The following TOX3 variants were observed in gnomAD, a reference collection of about 807,000 sequenced individuals.
TOX3 encodes the protein TOX high mobility group box family member 3.
Under a neutral mutation model 64.3 loss-of-function variants are expected in TOX3, and 22 were observed. The observed-to-expected ratio is 0.34, with a 90% CI of 0.24 to 0.49. The LOEUF (loss-of-function observed/expected upper bound fraction) is 0.49, where lower values mean the gene tolerates loss of function less well. Ranked by LOEUF, TOX3 falls within the 20% of genes least tolerant of loss-of-function variation. The pLI is 0.99. For missense variants in TOX3, 661 were observed against 714.4 expected (o/e 0.93, Z 0.85); for synonymous variants, 291 against 273.6 (o/e 1.06, Z -0.63).
chr16:52,532,410 C>T (rs761136440), intron 1 of TOX3, among the ~76,000 whole-genome samples: 1 of 152,192 alleles, frequency 6.6e-6, no homozygotes, highest in African/African-American at 2.4e-5. Context: ...TGAACAAGCC[C>T]AGGCTGGCGT....
intron 1 of TOX3, among the ~76,000 whole-genome samples, chr16:52,537,333 C>T (rs1241663285): frequency 6.6e-6 from 1 of 152,144 alleles, no homozygotes; most frequent in African/African-American, 2.4e-5. Flanking sequence ...ATCTCATATC[C>T]ATAGAATATC....
chr16:52,516,785 G>A (rs1240364415), intron 1 of TOX3, among the ~76,000 whole-genome samples: 1 of 152,154 alleles, frequency 6.6e-6, no homozygotes, highest in Non-Finnish European at 1.5e-5. Flanking sequence ...GGGGTACAAG[G>A]AAACTTGTGG....
At position 52,436,824 on chromosome 16, in the gene TOX3, T is replaced by C. The variant is rs970368649; in HGVS notation, c.*2401A>G. ...AACAGACTTCACTTGCAATTAAGTC[T>C]TATCACTAGTGACATTTTTTTCCAA... On this transcript the variant is annotated 3_prime_UTR_variant, in exon 7 of 7. Transcript: ENST00000219746. The C allele has an allele frequency of 6.6e-6, 1 of 152,248 alleles. No individual in the cohort carries two copies. Among genetic ancestry groups the C allele is most frequent in the Non-Finnish European group, 1.5e-5 (1 of 68,044 alleles). 9.4% of individuals were successfully genotyped at this position (152,248 alleles called of 1,614,324 possible). A position where few individuals can be genotyped will look rare whatever the true frequency, so the allele number is the denominator to read the frequency against.
At chr16:52,498,376 A>G (rs1389565890) in intron 1 of TOX3, among the ~76,000 whole-genome samples, 2 of 152,240 alleles carry the variant, frequency 1.3e-5, no homozygotes, top group Non-Finnish European at 2.9e-5. Flanking sequence ...AAGTTGACCT[A>G]TCCATCTGGG....
intron 5 of TOX3, chr16:52,444,606 GA>G (rs773332155): frequency 2.8e-4 from 99 of 352,630 alleles, no homozygotes; most frequent in Middle Eastern, 1.5e-3. Flanking sequence ...TTGCAAATAA[GA>G]AAAAGATTTC....
chr16:52,452,832 G>T (rs552687533), intron 3 of TOX3, among the ~76,000 whole-genome samples: 1 of 152,022 alleles, frequency 6.6e-6, no homozygotes, highest in Non-Finnish European at 1.5e-5. Context: ...AATAATTTCC[G>T]AATAATTACT....
intron 1 of TOX3, among the ~76,000 whole-genome samples, chr16:52,532,542 T>G (rs2193094): frequency 0.62 from 93,780 of 152,150 alleles, 31,523 homozygotes; most frequent in African/African-American, 0.89. Flanking sequence ...AGACCCAGAA[T>G]AGGATAAGCA....
At chr16:52,534,610 G>A (rs763491983) in intron 1 of TOX3, among the ~76,000 whole-genome samples, 8 of 151,830 alleles carry the variant, frequency 5.3e-5, no homozygotes, top group Admixed American at 2.0e-4. Context: ...CACTCCAGCC[G>A]GGGCAACACA....
At chr16:52,492,558 T>C (rs1029318795) in intron 1 of TOX3, among the ~76,000 whole-genome samples, 22 of 105,874 alleles carry the variant, frequency 2.1e-4, no homozygotes, top group African/African-American at 9.4e-4. Context: ...ATATTAGTTG[T>C]ATATAAATAT....
chr16:52,453,236 T>G (rs1596782519), intron 3 of TOX3, among the ~76,000 whole-genome samples: 1 of 150,626 alleles, frequency 6.6e-6, no homozygotes, highest in East Asian at 2.0e-4. Flanking sequence ...CAGGCTGGAG[T>G]GCAGTGGTGC....
Position 52,450,339 on chromosome 16 carries a change from T to C in TOX3, c.616A>G (p.Lys206Glu), listed in dbSNP as rs1960295993. The change falls in exon 4 of 7, where the codon AAA becomes GAA. Residue 206 changes from lysine to glutamate, a missense_variant. Physicochemically the swap from Lys to Glu is moderately conservative, Grantham distance 56. Transcript: ENST00000219746. ...CTGGAAGGGGAGGGAGTGGCTGATT[T>C]GCTTGCTGGAGGTGAAGGAGATGTG... Reference protein sequence around the residue: ...PHTSPSPPASKSATPSPSSSI... With the variant: ...PHTSPSPPASESATPSPSSSI... 6.2e-7 allele frequency: 1 copy of C among 1,613,880 alleles called. No homozygotes were observed. The highest frequency in any genetic ancestry group is 8.5e-7 in the Non-Finnish European group (1 of 1,179,904).
intron 1 of TOX3, among the ~76,000 whole-genome samples, chr16:52,525,084 G>T (rs886810429): frequency 6.6e-6 from 1 of 152,124 alleles, no homozygotes; most frequent in African/African-American, 2.4e-5. Flanking sequence ...AAATTTGCAG[G>T]TCCTGACAAT....
At chr16:52,491,887 T>C (rs996807139) in intron 1 of TOX3, among the ~76,000 whole-genome samples, 1 of 152,090 alleles carries the variant, frequency 6.6e-6, no homozygotes, top group Non-Finnish European at 1.5e-5. Flanking sequence ...TCCGTTCTAA[T>C]TTTTCTGATG....
At chr16:52,493,529 T>C (rs1961757766) in intron 1 of TOX3, among the ~76,000 whole-genome samples, 1 of 152,216 alleles carries the variant, frequency 6.6e-6, no homozygotes, top group Non-Finnish European at 1.5e-5. Flanking sequence ...AGAGAATTAC[T>C]TACTGGCAAG....
chr16:52,491,313 A>G (rs974718866), intron 1 of TOX3, among the ~76,000 whole-genome samples: 2 of 151,968 alleles, frequency 1.3e-5, no homozygotes, highest in African/African-American at 4.8e-5. Context: ...CCTACACTGA[A>G]GCCCTTTCAC....
At chr16:52,499,499 A>G (rs1961946705) in intron 1 of TOX3, among the ~76,000 whole-genome samples, 1 of 152,256 alleles carries the variant, frequency 6.6e-6, no homozygotes, top group East Asian at 1.9e-4. Flanking sequence ...GAAAGTATGA[A>G]GAATCTATCA....
intron 5 of TOX3, chr16:52,445,464 C>T (rs540258752): frequency 3.3e-5 from 5 of 152,556 alleles, no homozygotes; most frequent in African/African-American, 1.2e-4. Context: ...GGAAGTATCT[C>T]CCACAAGCAT....
At chr16:52,540,570 T>C (rs970431553) in intron 1 of TOX3, among the ~76,000 whole-genome samples, 27 of 152,148 alleles carry the variant, frequency 1.8e-4, no homozygotes, top group Admixed American at 9.2e-4. Context: ...ATCAAAGTAA[T>C]CTTCCTCTTT....
At chr16:52,443,580 A>C (rs1960069725) in intron 6 of TOX3, among the ~76,000 whole-genome samples, 1 of 152,230 alleles carries the variant, frequency 6.6e-6, no homozygotes, top group Non-Finnish European at 1.5e-5. Flanking sequence ...TGTCTAGAGC[A>C]AAAATATATT....
Sources: gnomAD v4.1 joint callset for allele counts (sites outside exome capture counted in the v4.1 genomes callset) on GRCh38, gnomAD v4.1.1 for gene constraint, MANE v1.5 for transcripts, NCBI Gene and HGNC (gene_info 2026-07-23, HGNC 2026-07-21) for gene names.